Variants in GRB14 observed in about 807,000 individuals in gnomAD.
GRB14 encodes growth factor receptor-bound protein 14.
Under a neutral mutation model 69.1 loss-of-function variants are expected in GRB14, and 38 were observed. That is an observed-to-expected ratio of 0.55 (90% CI 0.42 to 0.72). The LOEUF (loss-of-function observed/expected upper bound fraction) is 0.72. Ranked by LOEUF, GRB14 falls within the 30% of genes least tolerant of loss-of-function variation. The pLI is 0.00. For synonymous variants in GRB14, 247 were observed against 241.3 expected (o/e 1.02, Z -0.22); for missense variants, 666 against 666.1 (o/e 1.00, Z 0.00).
chr2:164,545,070 G>A (rs1054346967), intron 3 of GRB14, among the ~76,000 whole-genome samples: 3 of 152,158 alleles, frequency 2.0e-5, no homozygotes, highest in Admixed American at 6.6e-5. Flanking sequence ...ACAAAGGGAC[G>A]ATTTTGTATA....
chr2:164,581,924 G>A (rs1689416443), intron 2 of GRB14, among the ~76,000 whole-genome samples: 2 of 152,076 alleles, frequency 1.3e-5, no homozygotes, highest in South Asian at 4.1e-4. Flanking sequence ...TCAATTTTAA[G>A]GACCCTTGTC....
chr2:164,529,643 A>C (rs1294761966), intron 3 of GRB14, among the ~76,000 whole-genome samples: 1 of 152,120 alleles, frequency 6.6e-6, no homozygotes, highest in African/African-American at 2.4e-5. Flanking sequence ...TCTCTTACAC[A>C]ACAAACAACC....
intron 2 of GRB14, among the ~76,000 whole-genome samples, chr2:164,597,677 G>A (rs963050433): frequency 2.6e-5 from 4 of 152,008 alleles, no homozygotes; most frequent in Admixed American, 1.3e-4. Flanking sequence ...GGGATGCAAG[G>A]ACAGGAGGAG....
At chr2:164,518,967 A>C (rs1687564300) in intron 6 of GRB14, among the ~76,000 whole-genome samples, 1 of 152,090 alleles carries the variant, frequency 6.6e-6, no homozygotes, top group Admixed American at 6.6e-5. Flanking sequence ...TACCAATCCC[A>C]TTGACACTAT....
intron 6 of GRB14, among the ~76,000 whole-genome samples, chr2:164,512,421 C>A (rs1179277610): frequency 2.6e-5 from 4 of 152,206 alleles, no homozygotes; most frequent in Non-Finnish European, 5.9e-5. Context: ...CCCACCTTGG[C>A]CTCCCAAAGT....
At chr2:164,558,500 C>A (rs1688738389) in intron 2 of GRB14, among the ~76,000 whole-genome samples, 1 of 152,164 alleles carries the variant, frequency 6.6e-6, no homozygotes, top group South Asian at 2.1e-4. Context: ...ACAAATCCCA[C>A]ACTAAAGTTT....
At chr2:164,574,204 C>T in intron 2 of GRB14, 1 of 569,226 alleles carries the variant, frequency 1.8e-6, no homozygotes, top group Middle Eastern at 4.7e-4. Flanking sequence ...CCCCTCCACT[C>T]TAACAGTGAA....
At chr2:164,524,195 A>AAGATC in intron 5 of GRB14, among the ~76,000 whole-genome samples, 1 of 152,210 alleles carries the variant, frequency 6.6e-6, no homozygotes, top group East Asian at 1.9e-4. Flanking sequence ...GTCTTCATTA[A>AAGATC]AGATCAGGGG....
At chr2:164,546,443 C>T (rs1161594597) in intron 3 of GRB14, among the ~76,000 whole-genome samples, 1 of 152,052 alleles carries the variant, frequency 6.6e-6, no homozygotes, top group Non-Finnish European at 1.5e-5. Flanking sequence ...AACAGAAAAC[C>T]AAAACCAAAT....
intron 2 of GRB14, among the ~76,000 whole-genome samples, chr2:164,593,642 A>G (rs2105347388): frequency 6.6e-6 from 1 of 152,306 alleles, no homozygotes; most frequent in East Asian, 1.9e-4. Flanking sequence ...TACAGGAGAG[A>G]GAAAAAAGGA....
At chr2:164,603,052 G>A (rs528130496) in intron 2 of GRB14, among the ~76,000 whole-genome samples, 1 of 152,182 alleles carries the variant, frequency 6.6e-6, no homozygotes, top group Non-Finnish European at 1.5e-5. Flanking sequence ...AGGATTAGAG[G>A]CATGATTAGA....
intron 6 of GRB14, 147 bp from the exon 7 acceptor site, chr2:164,508,999 T>C: frequency 4.7e-6 from 2 of 422,784 alleles, no homozygotes; most frequent in Admixed American, 4.3e-5. Context: ...AAAAAAAATC[T>C]AAGCTGCCAT....
At chr2:164,507,794 G>T (rs1687231583) in intron 8 of GRB14, among the ~76,000 whole-genome samples, 1 of 151,970 alleles carries the variant, frequency 6.6e-6, no homozygotes, top group South Asian at 2.1e-4. Context: ...CAATTTTCTG[G>T]CAAACAGTTT....
intron 13 of GRB14, among the ~76,000 whole-genome samples, chr2:164,493,724 T>C (rs542373020): frequency 6.6e-6 from 1 of 152,262 alleles, no homozygotes; most frequent in South Asian, 2.1e-4. Context: ...ATAAAAGAAG[T>C]AGGGAGGATA....
At chr2:164,534,993 C>T (rs969392986) in intron 3 of GRB14, among the ~76,000 whole-genome samples, 11 of 152,202 alleles carry the variant, frequency 7.2e-5, no homozygotes, top group Admixed American at 3.9e-4. Flanking sequence ...CGTTATTTTT[C>T]GGGCATTGGA....
In GRB14 at chr2:164,575,055, T is replaced by C. The variant is rs541428838; in HGVS notation, c.325-27239A>G. Among the ~76,000 whole-genome samples the C allele has an allele frequency of 4.6e-5, 7 of 152,238 alleles. No homozygotes were observed. The South Asian group carries it at 1.2e-3, about 27-fold the overall frequency. On this transcript the variant is annotated intron_variant, in intron 2 of 13. Coordinates refer to ENST00000263915, the MANE Select transcript of GRB14 (RefSeq NM_004490.3). Reference sequence around the variant, plus strand: ...GAACAGCAAGGCAAAAGTTTTCTAGTAGCTTGTTTTAAGGCAGGAATCAGT... The same window carrying C: ...GAACAGCAAGGCAAAAGTTTTCTAGCAGCTTGTTTTAAGGCAGGAATCAGT...
intron 3 of GRB14, among the ~76,000 whole-genome samples, chr2:164,532,623 G>A (rs572060536): frequency 2.6e-5 from 4 of 152,148 alleles, no homozygotes; most frequent in African/African-American, 9.7e-5. Context: ...GGAAGCAGAG[G>A]TTCAAGTGAA....
chr2:164,594,148 TA>T (rs537058738), intron 2 of GRB14, among the ~76,000 whole-genome samples: 2,112 of 140,720 alleles, frequency 0.015, 41 homozygotes, highest in African/African-American at 0.051. Flanking sequence ...GTCTGTCTAA[TA>T]AAAAAAAAAA....
At chr2:164,595,033 G>A (rs1689751170) in intron 2 of GRB14, among the ~76,000 whole-genome samples, 1 of 152,176 alleles carries the variant, frequency 6.6e-6, no homozygotes, top group African/African-American at 2.4e-5. Flanking sequence ...ATAGGTCCAT[G>A]TCTGTTTCAT....
Sources: allele counts gnomAD v4.1 joint callset (sites outside exome capture counted in the v4.1 genomes callset), GRCh38; gene constraint gnomAD v4.1.1; transcripts MANE v1.5; gene names NCBI Gene and HGNC (gene_info 2026-07-23, HGNC 2026-07-21).